KCNN2: variants seen among roughly 807,000 people sequenced by gnomAD.
The protein encoded by KCNN2 is potassium calcium-activated channel subfamily N member 2, also known as small conductance calcium-activated potassium channel protein 2.
KCNN2 carries 24 observed loss-of-function variants against 55.5 expected under a neutral mutation model. The observed-to-expected ratio is 0.43, with a 90% CI of 0.31 to 0.61. The LOEUF is 0.61. Ranked by LOEUF, KCNN2 falls within the 20% of genes least tolerant of loss-of-function variation. The pLI, the probability that KCNN2 is intolerant of heterozygous loss-of-function variation, is 0.08. For synonymous variants in KCNN2, 431 were observed against 336.1 expected (o/e 1.28, Z -3.09); for missense variants, 754 against 853.6 (o/e 0.88, Z 1.45).
In KCNN2 at chr5:114,493,245, A is replaced by C; in HGVS notation, c.2019-158A>C. The C allele has an allele frequency of 1.0e-5, 7 of 700,134 alleles. 1 individual carries two copies. In the South Asian group the frequency reaches 1.0e-4, roughly 10 times the overall value. The allele number at this position is 700,134 out of a possible 1,614,324, so 43.4% of individuals were successfully genotyped here. A position where few individuals can be genotyped will look rare whatever the true frequency, so the allele number is the denominator to read the frequency against. On this transcript the variant is annotated intron_variant, in intron 6 of 7. Transcript: ENST00000673685. ...GCGGTGTTGGGGAAGCATGCTTCTC[A>C]TTGTACCAGACACATAACCAGTTTG...
intron 2 of KCNN2, among the ~76,000 whole-genome samples, chr5:114,342,203 T>TA (rs1331981277): frequency 8.1e-6 from 1 of 123,450 alleles, no homozygotes; most frequent in Admixed American, 8.5e-5. Context: ...GCCCGGCCCA[T>TA]AATTTTTTTT....
At chr5:114,181,233 A>G (rs1017423482) in intron 1 of KCNN2, among the ~76,000 whole-genome samples, 3 of 152,294 alleles carry the variant, frequency 2.0e-5, no homozygotes, top group African/African-American at 7.2e-5. Flanking sequence ...CATTTTTATG[A>G]GAGTTCAAGT....
chr5:114,217,592 C>T (rs1482098713), intron 1 of KCNN2, among the ~76,000 whole-genome samples: 1 of 151,968 alleles, frequency 6.6e-6, no homozygotes, highest in Non-Finnish European at 1.5e-5. Context: ...TATGGTTTAC[C>T]TAAATTAACT....
At chr5:114,488,076 A>G (rs1208350880) in intron 6 of KCNN2, among the ~76,000 whole-genome samples, 1 of 152,212 alleles carries the variant, frequency 6.6e-6, no homozygotes, top group East Asian at 1.9e-4. Flanking sequence ...GGTAATTCAT[A>G]TGTAATATGG....
intron 1 of KCNN2, among the ~76,000 whole-genome samples, chr5:114,168,176 C>T (rs10666070): frequency 0.016 from 1,000 of 63,708 alleles, 12 homozygotes; most frequent in Admixed American, 0.06. Context: ...GATATATATA[C>T]ACACACACAC....
intron 1 of KCNN2, among the ~76,000 whole-genome samples, chr5:114,180,925 A>G (rs1384736992): frequency 6.6e-6 from 1 of 152,216 alleles, no homozygotes; most frequent in Non-Finnish European, 1.5e-5. Context: ...ATTCAGCATA[A>G]TGTTTTTAAG....
rs149152321 is a variant in KCNN2, at chr5:114,269,038, C to G, written c.-185+47473C>G. ...TCAAATCATGAGCTCATCCATAAGC[C>G]TTGAAAAAGTCCTTCTCCAAGCTAT... On this transcript the variant is annotated intron_variant, in intron 2 of 10. Transcript: ENST00000512097. 4.2e-4 allele frequency among the ~76,000 whole-genome samples: 64 copies of G among 152,062 alleles called. No homozygotes were observed. The East Asian group carries it at 0.011, about 27-fold the overall frequency.
intron 1 of KCNN2, among the ~76,000 whole-genome samples, chr5:114,158,960 T>G (rs1752702126): frequency 2.0e-5 from 3 of 152,196 alleles, no homozygotes; most frequent in Admixed American, 6.5e-5. Flanking sequence ...CAGGGACAAT[T>G]TGACTTCCTC....
At chr5:114,078,222 A>G (rs1402726105) in intron 1 of KCNN2, among the ~76,000 whole-genome samples, 1 of 152,214 alleles carries the variant, frequency 6.6e-6, no homozygotes, top group Non-Finnish European at 1.5e-5. Context: ...AATTTAGGAA[A>G]TCCAAATTGA....
At chr5:114,176,488 A>G (rs1016887963) in intron 1 of KCNN2, among the ~76,000 whole-genome samples, 3 of 151,994 alleles carry the variant, frequency 2.0e-5, no homozygotes, top group Admixed American at 6.5e-5. Flanking sequence ...TTCATGGGCT[A>G]GAGTTGCTCA....
chr5:114,454,691 G>A (rs1366367349), intron 3 of KCNN2, among the ~76,000 whole-genome samples: 1 of 152,166 alleles, frequency 6.6e-6, no homozygotes, highest in Admixed American at 6.5e-5. Flanking sequence ...TGAGTATCCA[G>A]TGTATCCCCA....
At chr5:114,107,097 A>C (rs1172238764) in intron 1 of KCNN2, among the ~76,000 whole-genome samples, 2 of 151,966 alleles carry the variant, frequency 1.3e-5, no homozygotes, top group South Asian at 2.1e-4. Context: ...TTTTTAAAAA[A>C]TTTTTCCTCT....
At chr5:114,303,708 A>G (rs1756213259) in intron 2 of KCNN2, among the ~76,000 whole-genome samples, 1 of 152,340 alleles carries the variant, frequency 6.6e-6, no homozygotes, top group East Asian at 1.9e-4. Context: ...TTAAGTTGCA[A>G]TGCAAATAGT....
chr5:114,258,576 G>T (rs1448301321), intron 2 of KCNN2, among the ~76,000 whole-genome samples: 1 of 152,178 alleles, frequency 6.6e-6, no homozygotes, highest in East Asian at 1.9e-4. Context: ...TTGGGAGGTT[G>T]TATTTTTCCA....
chr5:114,442,439 A>G (rs1165739773), intron 3 of KCNN2, among the ~76,000 whole-genome samples: 1 of 152,100 alleles, frequency 6.6e-6, no homozygotes, highest in Non-Finnish European at 1.5e-5. Flanking sequence ...ATAGGGGCTG[A>G]AATCATCAGG....
intron 1 of KCNN2, among the ~76,000 whole-genome samples, chr5:114,075,470 T>A (rs1034556591): frequency 1.3e-5 from 2 of 152,218 alleles, no homozygotes; most frequent in Non-Finnish European, 2.9e-5. Flanking sequence ...AATTTTACTG[T>A]AAAATATGCT....
chr5:114,085,080 A>T (rs767949689), intron 1 of KCNN2, among the ~76,000 whole-genome samples: 3 of 150,896 alleles, frequency 2.0e-5, no homozygotes, highest in African/African-American at 7.3e-5. Flanking sequence ...GTGTGTGTCT[A>T]TTCTTTAGCT....
chr5:114,420,520 G>A (rs1759441572), intron 3 of KCNN2, among the ~76,000 whole-genome samples: 1 of 152,132 alleles, frequency 6.6e-6, no homozygotes, highest in African/African-American at 2.4e-5. Context: ...AATAATTCCT[G>A]TTTGATTTTC....
At chr5:114,250,192 A>T (rs1653926277) in intron 2 of KCNN2, among the ~76,000 whole-genome samples, 1 of 152,236 alleles carries the variant, frequency 6.6e-6, no homozygotes, top group Non-Finnish European at 1.5e-5. Flanking sequence ...AGCAGTTTGG[A>T]TAAGCCTTTT....
Sources: gnomAD v4.1 joint callset for allele counts (sites outside exome capture counted in the v4.1 genomes callset) on GRCh38, gnomAD v4.1.1 for gene constraint, MANE v1.5 for transcripts, NCBI Gene and HGNC (gene_info 2026-07-23, HGNC 2026-07-21) for gene names.